The following GRIK5 variants were observed in gnomAD, a reference collection of about 807,000 sequenced individuals.
The protein encoded by GRIK5 is glutamate receptor ionotropic, kainate 5.
Under a neutral mutation model 97.4 loss-of-function variants are expected in GRIK5, and 43 were observed. The observed-to-expected ratio is 0.44, with a 90% CI of 0.35 to 0.57. The LOEUF (loss-of-function observed/expected upper bound fraction) is 0.57. GRIK5 is among the 20% of genes least tolerant of loss of function. GRIK5 has a pLI of 0.01. For missense variants in GRIK5, 1,015 were observed against 1,382.0 expected, an observed-to-expected ratio of 0.73 and a Z score of 4.21; for synonymous variants, 580 against 583.5, an observed-to-expected ratio of 0.99 and a Z score of 0.09.
chr19:42,013,412 T>TC (rs1029752072), intron 15 of GRIK5, among the ~76,000 whole-genome samples: 2 of 140,840 alleles, frequency 1.4e-5, no homozygotes, highest in African/African-American at 5.2e-5. Context: ...TCTTTTCTTT[T>TC]TTTTTTTTTT....
intron 15 of GRIK5, among the ~76,000 whole-genome samples, chr19:42,019,960 CAG>C (rs1419554448): frequency 6.6e-6 from 1 of 150,628 alleles, no homozygotes; most frequent in African/African-American, 2.4e-5. Flanking sequence ...AGGAAACAAA[CAG>C]AGCTTTCATT....
At chr19:42,040,367 G>A (rs2146101857) in intron 12 of GRIK5, among the ~76,000 whole-genome samples, 1 of 152,308 alleles carries the variant, frequency 6.6e-6, no homozygotes, top group East Asian at 1.9e-4. Flanking sequence ...GTGACTTCAG[G>A]TGCAGGGCTA....
chr19:42,044,940 A>G (rs1384205281), intron 11 of GRIK5, among the ~76,000 whole-genome samples: 2 of 152,240 alleles, frequency 1.3e-5, no homozygotes, highest in African/African-American at 4.8e-5. Flanking sequence ...TCTCTCAAAA[A>G]TAAAATAAAT....
In GRIK5 at chr19:42,006,173, C is replaced by T. The variant is rs1057141183; in HGVS notation, c.2038-225G>A. On this transcript the variant is annotated intron_variant, in intron 16 of 19. Coordinates refer to ENST00000593562, the MANE Select transcript of GRIK5 (RefSeq NM_002088.5). The surrounding 1 kb of genome is among the most constrained non-coding windows in gnomAD (Gnocchi z 5.3). Reference sequence around the variant, plus strand: ...GTGCCCACCACCCACCTGGGGGGCCCGGTGAGTGCACCTCCACCTCCTTCC... The same window carrying T: ...GTGCCCACCACCCACCTGGGGGGCCTGGTGAGTGCACCTCCACCTCCTTCC... 3.9e-5 allele frequency among the ~76,000 whole-genome samples: 6 copies of T among 152,190 alleles called. No homozygotes were observed. The highest frequency in any genetic ancestry group is 2.1e-4 in the South Asian group (1 of 4,824).
intron 19 of GRIK5, chr19:42,001,880 G>A (rs2075426446): frequency 3.7e-6 from 2 of 539,358 alleles, no homozygotes; most frequent in East Asian, 3.0e-5. Flanking sequence ...CCATTTGGCT[G>A]GTGGGATCAT....
rs782596289 is a variant in GRIK5 at position 42,003,658 on chromosome 19, T to C, written c.2289A>G (p.Thr763=). ...TCTCCTGAAGCTGCAGGATGGCCAG[T>C]GTGATCTCATCCCGGAACGGGGAGC... ...PLGSPFRDEI[T]LAILQLQENN... The change falls in exon 18 of 20, where the codon ACA becomes ACG. Residue 763 remains threonine (T), a synonymous_variant. Coordinates refer to ENST00000593562, the MANE Select transcript of GRIK5 (RefSeq NM_002088.5). The surrounding 1 kb of genome is among the most constrained non-coding windows in gnomAD (Gnocchi z 4.2). The C allele has an allele frequency of 6.2e-7, 1 of 1,613,332 alleles. No homozygotes were observed. Among genetic ancestry groups the C allele is most frequent in the South Asian group, 1.1e-5 (1 of 90,956 alleles).
chr19:42,046,722 G>A (rs926644920), intron 11 of GRIK5, among the ~76,000 whole-genome samples: 1 of 152,128 alleles, frequency 6.6e-6, no homozygotes, highest in African/African-American at 2.4e-5. Flanking sequence ...AAAGAGCAAC[G>A]ATGTGCTTGT....
intron 3 of GRIK5, chr19:42,063,650 C>T (rs1016316900): frequency 1.2e-5 from 3 of 244,072 alleles, no homozygotes; most frequent in Admixed American, 5.1e-5. Flanking sequence ...GGGGCCATCT[C>T]ACCACCAGTT....
chr19:42,053,568 C>T (rs764594395), intron 11 of GRIK5, 34 bp downstream of exon 11: 13 of 1,271,326 alleles, frequency 1.0e-5, no homozygotes, highest in South Asian at 3.6e-5. Flanking sequence ...CTCAGGGCAG[C>T]GCCACTCCCA....
chr19:42,068,223 A>T (rs2076367060), intron 1 of GRIK5, among the ~76,000 whole-genome samples: 1 of 152,154 alleles, frequency 6.6e-6, no homozygotes, highest in East Asian at 1.9e-4. Context: ...AGTGCACTAG[A>T]GGGGCACAGG....
rs1351531903 is a variant in GRIK5, at chr19:42,042,586, GAGCCGTTGGGCTCGGGCGCCCCGTAC to G, written c.1413_1438del (p.Tyr472LeufsTer25). On this transcript the variant is annotated frameshift_variant, in exon 12 of 20. Transcript: ENST00000593562. LOFTEE classifies it high-confidence loss of function. The surrounding 1 kb of genome is among the most constrained non-coding windows in gnomAD (Gnocchi z 6.9). ...GAGCTCGCCAACCATGCCCGTCCAG[GAGCCGTTGGGCTCGGGCGCCCCGTAC>G]AGCCCATCCTCCACCAACCGCAGGC... The G allele has an allele frequency of 6.2e-7, 1 of 1,611,936 alleles. No individual in the cohort carries two copies. The highest frequency in any genetic ancestry group is 1.3e-5 in the African/African-American group (1 of 75,054).
intron 6 of GRIK5, among the ~76,000 whole-genome samples, chr19:42,057,212 G>T (rs1195641421): frequency 6.6e-6 from 1 of 152,160 alleles, no homozygotes; most frequent in Non-Finnish European, 1.5e-5. Context: ...TGCTGTCCCA[G>T]GTGGGACATT....
Position 42,054,312 on chromosome 19 carries a change from G to C in GRIK5, c.1056+8C>G. The stretch of plus-strand genomic sequence containing the variant: ...CTGCCTCCTCCACCCATCCCCGCTC[G>C]GGCTCACCATGCGCAGGTAGTTCAT... On this transcript the variant is annotated splice_region_variant and intron_variant, in intron 9 of 19. Coordinates refer to ENST00000593562, the MANE Select transcript of GRIK5 (RefSeq NM_002088.5). The C allele has an allele frequency of 1.2e-6, 2 of 1,602,168 alleles. No individual in the cohort carries two copies. Among genetic ancestry groups the C allele is most frequent in the South Asian group, 1.1e-5 (1 of 90,878 alleles).
At chr19:42,010,951 A>G (rs1419013141) in intron 15 of GRIK5, among the ~76,000 whole-genome samples, 1 of 152,010 alleles carries the variant, frequency 6.6e-6, no homozygotes, top group African/African-American at 2.4e-5. Context: ...GACCACAGGC[A>G]TGCATCACCA....
Position 41,998,897 on chromosome 19 carries a change from G to A in GRIK5, c.2917C>T (p.Pro973Ser). The change falls in exon 20 of 20, where the codon CCC becomes TCC. Residue 973 changes from proline (P) to serine (S), a missense_variant. Coordinates refer to ENST00000593562, the MANE Select transcript of GRIK5 (RefSeq NM_002088.5). ...PPRPRPGPAGPRELAEHE is the reference protein window; with the variant it reads ...PPRPRPGPAGSRELAEHE ...CACTCGTGCTCCGCCAGCTCCCGGG[G>A]GCCGGCGGGGCCAGGCCGCGGCCGG... 1 of 1,119,840 alleles carries A rather than the reference G, an allele frequency of 8.9e-7. No homozygotes were observed. Among genetic ancestry groups the A allele is most frequent in the Non-Finnish European group, 1.1e-6 (1 of 916,484 alleles). The allele number at this position is 1,119,840 out of a possible 1,614,324, so 69.4% of individuals were successfully genotyped here.
rs753284933 is a variant in GRIK5, at chr19:42,014,946, A to T, written c.1871+6355T>A. 3.3e-5 allele frequency among the ~76,000 whole-genome samples: 5 copies of T among 152,356 alleles called. No individual in the cohort carries two copies. The South Asian group carries it at 8.3e-4, about 25-fold the overall frequency. ...AATATAATAATCTAGATGGGCCGAG[A>T]CTAAAAGAATGGGGAAAAGATATGC... On this transcript the variant is annotated intron_variant, in intron 15 of 19. Coordinates refer to ENST00000593562, the MANE Select transcript of GRIK5 (RefSeq NM_002088.5).
intron 12 of GRIK5, among the ~76,000 whole-genome samples, chr19:42,037,581 A>T (rs2146094514): frequency 6.6e-6 from 1 of 152,344 alleles, no homozygotes; most frequent in Middle Eastern, 3.4e-3. Context: ...ATGTGGGAGC[A>T]CTGGGGACCT....
intron 15 of GRIK5, among the ~76,000 whole-genome samples, chr19:42,007,349 C>T (rs2075505329): frequency 3.3e-5 from 5 of 152,196 alleles, no homozygotes; most frequent in Admixed American, 6.5e-5. Flanking sequence ...CCTGCCTCAG[C>T]CTCCCAAAGT....
intron 3 of GRIK5, chr19:42,063,237 C>G (rs972063059): frequency 2.6e-5 from 12 of 463,758 alleles, no homozygotes; most frequent in South Asian, 1.9e-4. Flanking sequence ...CCTCCCCTGA[C>G]CCCACAGCCC....
Sources: gnomAD v4.1 joint callset for allele counts (sites outside exome capture counted in the v4.1 genomes callset) on GRCh38, gnomAD v4.1.1 for gene constraint, Gnocchi (gnomAD v3.1) non-coding constraint, MANE v1.5 for transcripts, NCBI Gene and HGNC (gene_info 2026-07-23, HGNC 2026-07-21) for gene names.